The following DCDC1 variants were observed in gnomAD, a reference collection of about 807,000 sequenced individuals.
The protein encoded by DCDC1 is doublecortin domain-containing protein 1.
DCDC1 carries 200 observed loss-of-function variants against 178.3 expected under a neutral mutation model. That is an observed-to-expected ratio of 1.12 (90% CI 1.00 to 1.26). The LOEUF (loss-of-function observed/expected upper bound fraction) is 1.26, where lower values mean the gene tolerates loss of function less well. DCDC1 is among the 50% of genes most tolerant of loss of function. The pLI is 0.00. For synonymous variants in DCDC1, 690 were observed against 604.8 expected, an observed-to-expected ratio of 1.14 and a Z score of -2.07; for missense variants, 1,983 against 1,749.2, an observed-to-expected ratio of 1.13 and a Z score of -2.38.
chr11:31,305,579 T>G, intron 6 of DCDC1, 36 bp downstream of exon 6: 1 of 1,603,722 alleles, frequency 6.2e-7, no homozygotes, highest in Non-Finnish European at 8.5e-7. Context: ...CAATTCAGTA[T>G]GTGTGGGGGT....
At chr11:31,025,099 T>C (rs1477791038) in intron 20 of DCDC1, among the ~76,000 whole-genome samples, 1 of 151,874 alleles carries the variant, frequency 6.6e-6, no homozygotes, top group Non-Finnish European at 1.5e-5. Flanking sequence ...CTAAAGTATC[T>C]GAGAATTAAC....
At chr11:31,367,165 G>A (rs1185775931) in intron 1 of DCDC1, among the ~76,000 whole-genome samples, 4 of 152,172 alleles carry the variant, frequency 2.6e-5, no homozygotes, top group African/African-American at 9.7e-5. Context: ...CAGGCATAGT[G>A]GCATGCACCT....
intron 28 of DCDC1, 121 bp downstream of exon 28, chr11:30,911,206 T>C (rs1945423243): frequency 2.6e-6 from 2 of 769,980 alleles, no homozygotes; most frequent in Non-Finnish European, 4.2e-6. Context: ...GTAAATATTT[T>C]AACAACATTC....
intron 15 of DCDC1, among the ~76,000 whole-genome samples, chr11:31,100,747 G>A (rs1198985395): frequency 6.6e-6 from 1 of 152,190 alleles, no homozygotes; most frequent in Non-Finnish European, 1.5e-5. Flanking sequence ...GGAGAATCAT[G>A]GGGATCAATG....
At chr11:31,306,457 C>T in intron 4 of DCDC1, 69 bp from the exon 5 acceptor site, 2 of 1,456,898 alleles carry the variant, frequency 1.4e-6, no homozygotes, top group Non-Finnish European at 1.8e-6. Flanking sequence ...AAATATTATC[C>T]TGGATTTTTT....
At chr11:31,212,901 T>G (rs773296773) in intron 9 of DCDC1, among the ~76,000 whole-genome samples, 3 of 152,116 alleles carry the variant, frequency 2.0e-5, no homozygotes, top group African/African-American at 7.2e-5. Context: ...AAATGTCCAT[T>G]AGTAGCTATA....
rs548698719 is a variant in DCDC1 at position 30,894,381 on chromosome 11, C to A, written c.4769G>T (p.Arg1590Leu). The A allele has an allele frequency of 1.2e-6, 2 of 1,607,780 alleles. No homozygotes were observed. Among genetic ancestry groups the A allele is most frequent in the South Asian group, 1.1e-5 (1 of 89,620 alleles). Reference sequence around the variant, plus strand: ...GGCTGGCTGACATGCCGCTACTCGCCGCCCTGAGGAAACAAGTCTCTAGAA... The same window carrying A: ...GGCTGGCTGACATGCCGCTACTCGCAGCCCTGAGGAAACAAGTCTCTAGAA... The part of the protein sequence containing the change: ...MRHKMRQLKG[R>L]RVAACQPATM... Residue 1590 changes from arginine to leucine, a missense_variant, in exon 35 of 39, where the codon CGG (arginine) becomes CTG (leucine). Arg to Leu is a moderately radical substitution (Grantham distance 102, BLOSUM62 -2). Transcript: ENST00000684477.
chr11:30,996,227 T>C (rs1264632986), intron 20 of DCDC1, among the ~76,000 whole-genome samples: 1 of 152,124 alleles, frequency 6.6e-6, no homozygotes, highest in Admixed American at 6.6e-5. Flanking sequence ...ACCACACATC[T>C]ATTAGAATGG....
At chr11:31,111,990 A>G (rs1284593361) in intron 11 of DCDC1, among the ~76,000 whole-genome samples, 1 of 152,170 alleles carries the variant, frequency 6.6e-6, no homozygotes, top group African/African-American at 2.4e-5. Flanking sequence ...CTTCCCTTCT[A>G]CATCCAGAAA....
chr11:31,249,439 T>C (rs1322175199), intron 8 of DCDC1, among the ~76,000 whole-genome samples: 3 of 152,222 alleles, frequency 2.0e-5, no homozygotes, highest in East Asian at 3.9e-4. Context: ...ATAGTAAAAA[T>C]ATAAATTAGT....
chr11:30,888,138 G>GAAAGA (rs1943441372), intron 36 of DCDC1, among the ~76,000 whole-genome samples: 1 of 141,180 alleles, frequency 7.1e-6, no homozygotes, highest in Admixed American at 7.2e-5. Context: ...AAGAAAGAAA[G>GAAAGA]AAAGAAAGAA....
chr11:31,148,210 T>TAAAAAAAAAA (rs55829692), intron 9 of DCDC1, among the ~76,000 whole-genome samples: 7 of 95,674 alleles, frequency 7.3e-5, no homozygotes, highest in African/African-American at 2.7e-4. Context: ...TTTATTATTA[T>TAAAAAAAAAA]AAAAAAAAAA....
chr11:31,077,674 T>C (rs1451043377), intron 18 of DCDC1, among the ~76,000 whole-genome samples, 191 bp downstream of exon 18: 1 of 152,030 alleles, frequency 6.6e-6, no homozygotes, highest in Non-Finnish European at 1.5e-5. Flanking sequence ...CTTTAGAAAA[T>C]GTGTTTTAAA....
intron 21 of DCDC1, among the ~76,000 whole-genome samples, chr11:30,937,359 G>GT (rs1947340087): frequency 6.6e-6 from 1 of 151,984 alleles, no homozygotes; most frequent in Non-Finnish European, 1.5e-5. Context: ...TTTATCAAGG[G>GT]TTCCTGGTGG....
intron 9 of DCDC1, among the ~76,000 whole-genome samples, chr11:31,158,789 GAC>G (rs1157539674): frequency 6.6e-6 from 1 of 152,052 alleles, no homozygotes; most frequent in Non-Finnish European, 1.5e-5. Flanking sequence ...TTTCTTAGGA[GAC>G]ACAGAAAAAT....
chr11:31,292,545 A>G (rs1046131754), intron 6 of DCDC1, among the ~76,000 whole-genome samples: 3 of 152,212 alleles, frequency 2.0e-5, no homozygotes, highest in African/African-American at 7.2e-5. Flanking sequence ...TTCCATTTAC[A>G]TGAAATATCA....
At chr11:31,063,362 A>G (rs1956059455) in intron 20 of DCDC1, among the ~76,000 whole-genome samples, 1 of 152,158 alleles carries the variant, frequency 6.6e-6, no homozygotes, top group African/African-American at 2.4e-5. Flanking sequence ...TACATACCCA[A>G]AGGATTATAA....
rs112053436 is a variant in DCDC1, at chr11:30,927,371, T to TA, written c.2898-1964dup. 1.4e-3 allele frequency among the ~76,000 whole-genome samples: 204 copies of TA among 147,244 alleles called. 2 individuals are homozygous for TA. Among genetic ancestry groups the TA allele is most frequent in the African/African-American group, 4.2e-3 (167 of 39,918 alleles). ...CTTGAGAGCAAGCAATGCCTTGTTC[T>TA]AAAAAAAAGAAAAAAAGAAAGAAAG... On this transcript the variant is annotated intron_variant, in intron 22 of 38. Transcript: ENST00000684477.
Position 31,137,671 on chromosome 11 carries a change from T to A in DCDC1, c.1314+21A>T, listed in dbSNP as rs73459294. The stretch of plus-strand genomic sequence containing the variant: ...CCCTCATTGCAGTTTTAAAATACAG[T>A]TTACAAAGTAATTTCCTTACTTCTT... On this transcript the variant is annotated intron_variant, in intron 10 of 38. Coordinates refer to ENST00000684477, the MANE Select transcript of DCDC1 (RefSeq NM_001387274.1). 0.012 allele frequency: 8,262 copies of A among 701,664 alleles called. 455 individuals carry two copies. The African/African-American group carries it at 0.12, about 10-fold the overall frequency. The allele number at this position is 701,664 out of a possible 1,614,324, so 43.5% of individuals were successfully genotyped here. A position where few individuals can be genotyped will look rare whatever the true frequency, so the allele number is the denominator to read the frequency against.
Sources: gnomAD v4.1 joint callset for allele counts (sites outside exome capture counted in the v4.1 genomes callset) on GRCh38, gnomAD v4.1.1 for gene constraint, MANE v1.5 for transcripts, NCBI Gene and HGNC (gene_info 2026-07-23, HGNC 2026-07-21) for gene names.